ABCA4: variants seen among roughly 807,000 people sequenced by gnomAD.
The protein encoded by ABCA4 is retinal-specific phospholipid-transporting ATPase ABCA4.
ABCA4 carries 196 observed loss-of-function variants against 263.7 expected under a neutral mutation model. The ratio of observed to expected loss-of-function variants is 0.74; its 90% CI spans 0.66 to 0.84. The LOEUF is 0.84. ABCA4 is among the 40% of genes least tolerant of loss of function. The pLI, the probability that ABCA4 is intolerant of heterozygous loss-of-function variation, is 0.00. For synonymous variants in ABCA4, 1,133 were observed against 1,094.2 expected, an observed-to-expected ratio of 1.04 and a Z score of -0.70; for missense variants, 2,792 against 2,855.1, an observed-to-expected ratio of 0.98 and a Z score of 0.50.
Position 94,029,693 on chromosome 1 carries a change from A to C in ABCA4, c.4353-62T>G, listed in dbSNP as rs982645288. ...CAAAGTTGCTGACAAATCCCTAGGC[A>C]TAAGAAATTGTGCCCAACCCTTTCC... On this transcript the variant is annotated intron_variant, in intron 29 of 49. Transcript: ENST00000370225. 34 of 1,513,432 alleles carry C rather than the reference A, an allele frequency of 2.2e-5. No individual in the cohort carries two copies. In the Admixed American group the frequency reaches 3.7e-4, roughly 17 times the overall value. The allele number at this position is 1,513,432 out of a possible 1,614,324, so 93.8% of individuals were successfully genotyped here.
chr1:94,051,643 A>C lies in ABCA4; in HGVS notation c.2643T>G (p.Leu881=). 6.2e-7 allele frequency: 1 copy of C among 1,613,946 alleles called. No individual in the cohort carries two copies. The highest frequency in any genetic ancestry group is 2.2e-5 in the East Asian group (1 of 44,884). The change falls in exon 17 of 50, where the codon CTT becomes CTG. Residue 881 remains leucine (L), a synonymous_variant. Transcript: ENST00000370225. ...WYFLLQESYW[L]GGEGCSTREE... Reference sequence around the variant, plus strand: ...TTTTAAAGGACTCACCTTCACCGCCAAGCCAATACGACTCTTGTAGAAGAA... The same window carrying C: ...TTTTAAAGGACTCACCTTCACCGCCCAGCCAATACGACTCTTGTAGAAGAA...
At chr1:94,114,124 A>C (rs914457851) in intron 1 of ABCA4, among the ~76,000 whole-genome samples, 1 of 152,242 alleles carries the variant, frequency 6.6e-6, no homozygotes, top group Non-Finnish European at 1.5e-5. Flanking sequence ...ATGGTCTTTC[A>C]TGTAACCCTT....
chr1:94,095,248 AG>A (rs1662091647), intron 6 of ABCA4, among the ~76,000 whole-genome samples: 1 of 151,626 alleles, frequency 6.6e-6, no homozygotes, highest in Non-Finnish European at 1.5e-5. Context: ...AGGAACCGAG[AG>A]AAAACACAGC....
chr1:94,061,686 C>T (rs939013790), intron 13 of ABCA4, among the ~76,000 whole-genome samples: 4 of 152,252 alleles, frequency 2.6e-5, no homozygotes, highest in South Asian at 2.1e-4. Context: ...CAGCCACTCC[C>T]GTCCTGATCC....
chr1:94,091,449 C>G (rs1661964698), intron 6 of ABCA4, among the ~76,000 whole-genome samples: 1 of 152,104 alleles, frequency 6.6e-6, no homozygotes, highest in Non-Finnish European at 1.5e-5. Flanking sequence ...TCCCCCTTCC[C>G]TATTATCTGT....
rs756012892 is a variant in ABCA4, at chr1:94,007,758, G to A, written c.5899-18C>T. The A allele has an allele frequency of 3.1e-6, 5 of 1,602,700 alleles. No homozygotes were observed. Among genetic ancestry groups the A allele is most frequent in the Non-Finnish European group, 3.4e-6 (4 of 1,169,804 alleles). On this transcript the variant is annotated intron_variant, in intron 42 of 49. Transcript: ENST00000370225. ...CCAAAGCACTAGGAGAAAACACAGA[G>A]CTAGCCTGGCCCTAGAGATCAAGAA...
Position 94,108,787 on chromosome 1 carries a change from T to A in ABCA4, c.303-71A>T, listed in dbSNP as rs1359274484. The A allele has an allele frequency of 1.1e-5, 5 of 462,578 alleles. No homozygotes were observed. The African/African-American group carries it at 2.0e-4, about 19-fold the overall frequency. The allele number at this position is 462,578 out of a possible 1,614,324, so 28.7% of individuals were successfully genotyped here. A position where few individuals can be genotyped will look rare whatever the true frequency, so the allele number is the denominator to read the frequency against. On this transcript the variant is annotated intron_variant, in intron 3 of 49. Transcript: ENST00000370225. ...ATAACAGTAATAATATCTCATGCTA[T>A]TTTTTTTTTTTATCTCGCTCTGTCA...
chr1:94,106,955 C>T (rs905139059), intron 4 of ABCA4, among the ~76,000 whole-genome samples: 3 of 152,204 alleles, frequency 2.0e-5, no homozygotes, highest in African/African-American at 4.8e-5. Context: ...ATTTGCCTGA[C>T]TCATCTCTCC....
At chr1:94,031,624 T>C (rs772371043) in intron 27 of ABCA4, among the ~76,000 whole-genome samples, 154 bp downstream of exon 27, 10 of 152,114 alleles carry the variant, frequency 6.6e-5, no homozygotes, top group Non-Finnish European at 1.2e-4. Flanking sequence ...AGAATCAAGA[T>C]AAGGGTTTGG....
intron 9 of ABCA4, 139 bp from the exon 10 acceptor site, chr1:94,078,845 A>G: frequency 5.4e-6 from 4 of 747,518 alleles, no homozygotes; most frequent in Admixed American, 1.9e-5. Flanking sequence ...TTCTCAGTCT[A>G]TTGCTATTTC....
chr1:94,102,784 A>G (rs897713551), intron 5 of ABCA4, among the ~76,000 whole-genome samples: 1 of 152,126 alleles, frequency 6.6e-6, no homozygotes, highest in African/African-American at 2.4e-5. Context: ...AGTTATAAAA[A>G]CCTGAGATGT....
intron 17 of ABCA4, 140 bp downstream of exon 17, chr1:94,051,493 G>A (rs1222594922): frequency 1.2e-5 from 9 of 778,930 alleles, no homozygotes; most frequent in Admixed American, 6.1e-5. Flanking sequence ...GCCCATCAAG[G>A]GGCAGAGCCC....
intron 35 of ABCA4, among the ~76,000 whole-genome samples, chr1:94,020,621 G>C (rs570047894): frequency 1.6e-4 from 24 of 152,292 alleles, no homozygotes; most frequent in African/African-American, 5.3e-4. Flanking sequence ...GGATGACCCT[G>C]GGCATGTTCA....
chr1:94,001,385 A>C, intron 45 of ABCA4: 1 of 549,168 alleles, frequency 1.8e-6, no homozygotes, highest in Non-Finnish European at 3.3e-6. Flanking sequence ...AAAAAAGAAA[A>C]TCCTGCAAAT....
chr1:94,032,658 A>C (rs1409128342), intron 26 of ABCA4, among the ~76,000 whole-genome samples: 1 of 152,200 alleles, frequency 6.6e-6, no homozygotes, highest in East Asian at 1.9e-4. Flanking sequence ...AAAACCAAAC[A>C]AACAAACAAA....
rs576431258 is a variant in ABCA4, at chr1:94,049,063, C to G, written c.2654-106G>C. ...GGGAGCAAATGAGTTTCCTAGCCAG[C>G]CTTTGACCTGCTCTAGGACTGTGAG... On this transcript the variant is annotated intron_variant, in intron 17 of 49. Transcript: ENST00000370225. 1.8e-4 allele frequency: 184 copies of G among 1,029,390 alleles called. 2 individuals carry two copies. The South Asian group carries it at 2.3e-3, about 13-fold the overall frequency. 63.8% of individuals were successfully genotyped at this position (1,029,390 alleles called of 1,614,324 possible).
At position 94,021,675 on chromosome 1, in the gene ABCA4, A is replaced by G. The variant is rs1299117797; in HGVS notation, c.4813T>C (p.Phe1605Leu). 6.2e-7 allele frequency: 1 copy of G among 1,613,318 alleles called. No individual in the cohort carries two copies. The highest frequency in any genetic ancestry group is 1.1e-5 in the South Asian group (1 of 90,970). ...TREASKEIPD[F>L]LKHLETEDNI... ...TCTTCAGTTTCTAGATGTTTAAGGAAATCAGGTATTTCTTTAGAGGCCTCT... is the reference window on the plus strand; with the variant it reads ...TCTTCAGTTTCTAGATGTTTAAGGAGATCAGGTATTTCTTTAGAGGCCTCT... The change falls in exon 34 of 50, where the codon TTC becomes CTC. Residue 1605 changes from phenylalanine (F) to leucine (L), a missense_variant. Physicochemically the swap from Phe to Leu is conservative, Grantham distance 22 (BLOSUM62 0). Transcript: ENST00000370225.
At chr1:94,018,540 T>C (rs756026605) in intron 36 of ABCA4, 2 of 455,654 alleles carry the variant, frequency 4.4e-6, no homozygotes, top group East Asian at 1.4e-4. Flanking sequence ...CTGAGTAAGA[T>C]AGAAATCATA....
At chr1:94,045,703 T>G (rs1213418365) in intron 19 of ABCA4, 1 of 454,808 alleles carries the variant, frequency 2.2e-6, no homozygotes, top group Admixed American at 2.4e-5. Context: ...GATCAACCAC[T>G]AGAGGGAAAC....
Sources: gnomAD v4.1 joint callset for allele counts (sites outside exome capture counted in the v4.1 genomes callset) on GRCh38, gnomAD v4.1.1 for gene constraint, MANE v1.5 for transcripts, NCBI Gene and HGNC (gene_info 2026-07-23, HGNC 2026-07-21) for gene names.